The following RBFOX1 variants were observed in gnomAD, a reference collection of about 807,000 sequenced individuals.
The protein encoded by RBFOX1 is RNA binding fox-1 homolog 1, also known as RNA binding protein fox-1 homolog 1.
In RBFOX1, 8 loss-of-function variants were observed where a neutral mutation model predicts 57.7. The observed-to-expected ratio is 0.14, with a 90% confidence interval of 0.08 to 0.25. RBFOX1 has a LOEUF of 0.25. RBFOX1 is among the 10% of genes least tolerant of loss of function. The pLI is 1.00. For synonymous variants in RBFOX1, 326 were observed against 222.4 expected (o/e 1.47, Z -4.15); for missense variants, 611 against 548.5 (o/e 1.11, Z -1.14).
intron 1 of RBFOX1, among the ~76,000 whole-genome samples, chr16:6,025,492 A>G (rs1263244527): frequency 6.6e-6 from 1 of 152,226 alleles, no homozygotes; most frequent in Non-Finnish European, 1.5e-5. Flanking sequence ...CAAAGAGGCA[A>G]CATCATGTGT....
chr16:7,085,430 CA>C (rs1480153045), intron 4 of RBFOX1, among the ~76,000 whole-genome samples: 1 of 151,992 alleles, frequency 6.6e-6, no homozygotes, highest in African/African-American at 2.4e-5. Flanking sequence ...AGTTATGTTT[CA>C]AAAAAGTATC....
intron 4 of RBFOX1, among the ~76,000 whole-genome samples, chr16:7,308,843 C>G (rs1010675897): frequency 3.9e-5 from 6 of 152,192 alleles, no homozygotes; most frequent in Admixed American, 6.5e-5. Flanking sequence ...TTAGGTAGGT[C>G]ATAACAATTA....
chr16:6,968,013 C>A (rs1395942856), intron 3 of RBFOX1, among the ~76,000 whole-genome samples: 3 of 152,132 alleles, frequency 2.0e-5, no homozygotes, highest in African/African-American at 7.2e-5. Flanking sequence ...GCTGCCTCTG[C>A]TCTTGTAAGG....
chr16:6,965,252 A>G (rs957278017), intron 3 of RBFOX1, among the ~76,000 whole-genome samples: 5 of 152,148 alleles, frequency 3.3e-5, no homozygotes, highest in African/African-American at 1.2e-4. Flanking sequence ...TTGGGTGTAA[A>G]AAATGGAGAA....
chr16:6,479,938 C>G (rs1390229588), intron 2 of RBFOX1, among the ~76,000 whole-genome samples: 1 of 151,414 alleles, frequency 6.6e-6, no homozygotes, highest in African/African-American at 2.4e-5. Flanking sequence ...ATGATCTCAG[C>G]TACTCGGGAG....
chr16:5,557,641 C>T (rs984340241), intron 2 of RBFOX1, among the ~76,000 whole-genome samples: 4 of 152,118 alleles, frequency 2.6e-5, no homozygotes, highest in Non-Finnish European at 5.9e-5. Flanking sequence ...TGCAAAGGCC[C>T]TGAGGCATTG....
At chr16:5,847,398 G>T (rs182169931) in intron 3 of RBFOX1, among the ~76,000 whole-genome samples, 1 of 151,872 alleles carries the variant, frequency 6.6e-6, no homozygotes, top group Non-Finnish European at 1.5e-5. Flanking sequence ...AATAGATCCT[G>T]ATTGCATCAA....
At chr16:6,652,042 G>A (rs938392880) in intron 2 of RBFOX1, among the ~76,000 whole-genome samples, 6 of 152,176 alleles carry the variant, frequency 3.9e-5, no homozygotes, top group East Asian at 1.9e-4. Context: ...TTCATATACT[G>A]AAGTCGTAAC....
rs369361768 is a variant in RBFOX1 at position 5,803,093 on chromosome 16, G to C, written c.319-64210G>C. 9.2e-5 allele frequency among the ~76,000 whole-genome samples: 14 copies of C among 152,066 alleles called. 2 individuals carry two copies. Among genetic ancestry groups the C allele is most frequent in the Admixed American group, 8.5e-4 (13 of 15,270 alleles). On this transcript the variant is annotated intron_variant, in intron 3 of 19. Coordinates refer to the RBFOX1 transcript ENST00000641259. Reference sequence around the variant, plus strand: ...CATCTTTAGCACCCAGACAATGGCAGGAATGGGTTGGATGGGACTATAGTC... The same window carrying C: ...CATCTTTAGCACCCAGACAATGGCACGAATGGGTTGGATGGGACTATAGTC...
intron 4 of RBFOX1, among the ~76,000 whole-genome samples, chr16:6,013,228 A>G (rs6500738): frequency 0.018 from 2,790 of 152,316 alleles, 74 homozygotes; most frequent in African/African-American, 0.063. Context: ...GAATGATAGT[A>G]TGTTTCATAA....
intron 4 of RBFOX1, among the ~76,000 whole-genome samples, chr16:7,210,563 T>G (rs563531494): frequency 6.6e-6 from 1 of 152,286 alleles, no homozygotes; most frequent in East Asian, 1.9e-4. Flanking sequence ...GGATACTGTA[T>G]TCTAACCAGG....
At chr16:5,873,224 G>A (rs560018483) in intron 4 of RBFOX1, among the ~76,000 whole-genome samples, 2 of 152,232 alleles carry the variant, frequency 1.3e-5, no homozygotes, top group South Asian at 2.1e-4. Flanking sequence ...AGGAATCATC[G>A]AGACCTGTTG....
At chr16:7,162,964 G>A (rs1426357988) in intron 4 of RBFOX1, among the ~76,000 whole-genome samples, 1 of 151,956 alleles carries the variant, frequency 6.6e-6, no homozygotes, top group African/African-American at 2.4e-5. Flanking sequence ...AATGACCTTG[G>A]GCCAGTCACC....
chr16:6,072,489 C>A (rs998611766), intron 1 of RBFOX1, among the ~76,000 whole-genome samples: 5 of 152,120 alleles, frequency 3.3e-5, no homozygotes, highest in African/African-American at 1.2e-4. Flanking sequence ...GCTGGATCAC[C>A]TGGTAATCAC....
At chr16:7,262,005 C>G (rs2094937067) in intron 4 of RBFOX1, among the ~76,000 whole-genome samples, 1 of 152,150 alleles carries the variant, frequency 6.6e-6, no homozygotes, top group South Asian at 2.1e-4. Context: ...CCTGATTATC[C>G]CTTTCTCTGT....
At chr16:5,336,567 T>C (rs1043647179) in intron 1 of RBFOX1, among the ~76,000 whole-genome samples, 25 of 152,222 alleles carry the variant, frequency 1.6e-4, no homozygotes, top group Admixed American at 3.9e-4. Flanking sequence ...TCCCTGGTCC[T>C]GTATCCTCTG....
At chr16:7,005,690 C>T (rs959290319) in intron 3 of RBFOX1, among the ~76,000 whole-genome samples, 2 of 152,120 alleles carry the variant, frequency 1.3e-5, no homozygotes, top group Admixed American at 6.6e-5. Flanking sequence ...CAGACAAGGC[C>T]ATCTCAGGAC....
intron 2 of RBFOX1, among the ~76,000 whole-genome samples, chr16:6,600,148 T>C (rs989763528): frequency 6.6e-6 from 1 of 152,164 alleles, no homozygotes; most frequent in East Asian, 1.9e-4. Flanking sequence ...CCCAATTTAG[T>C]AGGACACAGA....
intron 3 of RBFOX1, among the ~76,000 whole-genome samples, chr16:6,989,092 T>G (rs2090956181): frequency 6.6e-6 from 1 of 152,096 alleles, no homozygotes; most frequent in African/African-American, 2.4e-5. Flanking sequence ...AGACGGGATT[T>G]CGCCATGTTG....
Sources: allele counts gnomAD v4.1 joint callset (sites outside exome capture counted in the v4.1 genomes callset), GRCh38; gene constraint gnomAD v4.1.1; transcripts MANE v1.5; gene names NCBI Gene and HGNC (gene_info 2026-07-23, HGNC 2026-07-21).